The following NKAIN3 variants were observed in gnomAD, a reference collection of about 807,000 sequenced individuals.
NKAIN3 encodes the protein sodium/potassium transporting ATPase interacting 3.
NKAIN3 carries 25 observed loss-of-function variants against 30.2 expected under a neutral mutation model. The observed-to-expected ratio is 0.83, with a 90% CI of 0.60 to 1.16. The LOEUF is 1.16. Ranked by LOEUF, NKAIN3 falls within the 50% of genes most tolerant of loss-of-function variation. The pLI is 0.00. For missense variants in NKAIN3, 225 were observed against 254.1 expected (o/e 0.89, Z 0.78); for synonymous variants, 91 against 89.6 (o/e 1.02, Z -0.09).
At chr8:62,337,812 G>T (rs975775475) in intron 1 of NKAIN3, among the ~76,000 whole-genome samples, 1 of 151,754 alleles carries the variant, frequency 6.6e-6, no homozygotes, top group African/African-American at 2.4e-5. Context: ...TCTGATCATT[G>T]TCCACTGAAT....
At chr8:62,345,581 GTATATACACACA>G (rs1158112861) in intron 1 of NKAIN3, among the ~76,000 whole-genome samples, 1 of 121,502 alleles carries the variant, frequency 8.2e-6, no homozygotes, top group African/African-American at 2.9e-5. Flanking sequence ...ACACATATAT[GTATATACACACA>G]TATATACACA....
chr8:62,839,311 A>C (rs190999515), intron 4 of NKAIN3, among the ~76,000 whole-genome samples: 14 of 152,064 alleles, frequency 9.2e-5, no homozygotes, highest in Middle Eastern at 3.4e-3. Flanking sequence ...ATTAAAAAAA[A>C]AAAAACAAAA....
intron 1 of NKAIN3, among the ~76,000 whole-genome samples, chr8:62,275,543 T>G (rs754608042): frequency 5.9e-5 from 9 of 152,194 alleles, no homozygotes; most frequent in Non-Finnish European, 1.3e-4. Flanking sequence ...TTTTTTGTAA[T>G]CATAAAAATT....
At chr8:62,383,881 CTT>C (rs202071193) in intron 1 of NKAIN3, among the ~76,000 whole-genome samples, 19 of 145,816 alleles carry the variant, frequency 1.3e-4, no homozygotes, top group East Asian at 6.1e-4. Context: ...CATGAATTTT[CTT>C]TTTTTTTTTT....
At chr8:62,885,773 G>C (rs1311074175) in intron 4 of NKAIN3, among the ~76,000 whole-genome samples, 1 of 152,040 alleles carries the variant, frequency 6.6e-6, no homozygotes, top group Non-Finnish European at 1.5e-5. Context: ...TTCTGAAGTT[G>C]GCTCTGTCAA....
chr8:62,845,526 G>A (rs571469789), intron 4 of NKAIN3, among the ~76,000 whole-genome samples: 2 of 151,878 alleles, frequency 1.3e-5, no homozygotes, highest in South Asian at 4.2e-4. Flanking sequence ...AGTGAATGAC[G>A]AAAGAGGATT....
chr8:62,609,513 A>G (rs1811223165), intron 3 of NKAIN3, among the ~76,000 whole-genome samples: 1 of 152,180 alleles, frequency 6.6e-6, no homozygotes, highest in South Asian at 2.1e-4. Flanking sequence ...CTCTTTGCCA[A>G]GTATTCTTGT....
downstream of NKAIN3, among the ~76,000 whole-genome samples, chr8:62,987,220 C>T: frequency 6.6e-6 from 1 of 151,368 alleles, no homozygotes; most frequent in East Asian, 1.9e-4. Context: ...GACCACGTAT[C>T]TACTAAAAAT....
chr8:62,695,567 A>C (rs1229507101), intron 3 of NKAIN3, among the ~76,000 whole-genome samples: 2 of 152,224 alleles, frequency 1.3e-5, no homozygotes, highest in Admixed American at 6.5e-5. Flanking sequence ...GGGCAGAAGG[A>C]GTAATTGACA....
In NKAIN3 at chr8:62,942,244, A is replaced by G. The variant is rs572345616; in HGVS notation, c.533-11658A>G. Among the ~76,000 whole-genome samples, 462 of 142,784 alleles carry G rather than the reference A, an allele frequency of 3.2e-3. 6 individuals carry two copies. The highest frequency in any genetic ancestry group is 0.012 in the African/African-American group (447 of 36,878). The allele number at this position is 142,784 out of a possible 152,430, so 93.7% of individuals were successfully genotyped here. A position where few individuals can be genotyped will look rare whatever the true frequency, so the allele number is the denominator to read the frequency against. On this transcript the variant is annotated intron_variant, in intron 5 of 6. Transcript: ENST00000623646. ...TATATACATATATATACACATATAT[A>G]TACATATATATATACACATATATAT...
intron 1 of NKAIN3, among the ~76,000 whole-genome samples, chr8:62,352,048 C>T (rs1816196672): frequency 1.3e-5 from 2 of 152,268 alleles, no homozygotes; most frequent in East Asian, 1.9e-4. Flanking sequence ...ACTGGCAACA[C>T]TAACCAGGCA....
intron 1 of NKAIN3, among the ~76,000 whole-genome samples, chr8:62,460,941 G>T (rs184482883): frequency 6.6e-6 from 1 of 152,172 alleles, no homozygotes; most frequent in Non-Finnish European, 1.5e-5. Flanking sequence ...TGAATTGTCC[G>T]TAGGAGCTTA....
In NKAIN3 at chr8:62,970,865, T is replaced by A. The variant is rs1338171077; in HGVS notation, c.*5458T>A. Among the ~76,000 whole-genome samples the A allele has an allele frequency of 6.6e-6, 1 of 152,246 alleles. No individual in the cohort carries two copies. Among genetic ancestry groups the A allele is most frequent in the Non-Finnish European group, 1.5e-5 (1 of 68,038 alleles). On this transcript the variant is annotated 3_prime_UTR_variant, in exon 7 of 7. Transcript: ENST00000623646. ...AGAAACAGTTCAAAGAAACCAATAA[T>A]CTATCCATTTCTTCTCATAGAATTT...
chr8:62,949,049 T>C (rs372406638), intron 5 of NKAIN3, among the ~76,000 whole-genome samples: 8 of 152,206 alleles, frequency 5.3e-5, no homozygotes, highest in South Asian at 2.1e-4. Flanking sequence ...AGTAAATTTC[T>C]CAGAGCTGAG....
intron 1 of NKAIN3, among the ~76,000 whole-genome samples, chr8:62,405,706 C>G (rs1307353401): frequency 1.3e-5 from 2 of 152,164 alleles, no homozygotes; most frequent in Admixed American, 6.5e-5. Flanking sequence ...TGAGCTAAAA[C>G]CAGGTACTGT....
chr8:62,772,697 C>G (rs1213080774), intron 4 of NKAIN3, among the ~76,000 whole-genome samples: 2 of 149,926 alleles, frequency 1.3e-5, no homozygotes, highest in Non-Finnish European at 3.0e-5. Context: ...AGTCTTACTC[C>G]ATCATCAGGC....
chr8:62,467,237 G>A (rs1427687311), intron 1 of NKAIN3, among the ~76,000 whole-genome samples: 1 of 152,102 alleles, frequency 6.6e-6, no homozygotes, highest in African/African-American at 2.4e-5. Flanking sequence ...ATTCTGGTTA[G>A]TGCTTTCCTC....
rs957303877 is a variant in NKAIN3 at position 62,975,821 on chromosome 8, T to C, written c.*10414T>C. On this transcript the variant is annotated 3_prime_UTR_variant, in exon 7 of 7. Coordinates refer to ENST00000623646, the MANE Select transcript of NKAIN3 (RefSeq NM_001304533.3). Reference sequence around the variant, plus strand: ...CCACTTTCTCCTGTGAGCACTTAGGTCTATAAATTTCCTTCTAAGCACTCC... The same window carrying C: ...CCACTTTCTCCTGTGAGCACTTAGGCCTATAAATTTCCTTCTAAGCACTCC... Among the ~76,000 whole-genome samples, 2 of 152,174 alleles carry C rather than the reference T, an allele frequency of 1.3e-5. No homozygotes were observed. The highest frequency in any genetic ancestry group is 4.8e-5 in the African/African-American group (2 of 41,466).
intron 1 of NKAIN3, among the ~76,000 whole-genome samples, chr8:62,511,284 C>T (rs1412831700): frequency 6.6e-6 from 1 of 152,120 alleles, no homozygotes; most frequent in African/African-American, 2.4e-5. Flanking sequence ...CTGTGCCCTC[C>T]CTCACCTCTT....
Sources: gnomAD v4.1 joint callset for allele counts (sites outside exome capture counted in the v4.1 genomes callset) on GRCh38, gnomAD v4.1.1 for gene constraint, MANE v1.5 for transcripts, NCBI Gene and HGNC (gene_info 2026-07-23, HGNC 2026-07-21) for gene names.